Variants in CD59 observed in about 807,000 individuals in gnomAD.
CD59 encodes CD59 molecule (CD59 blood group), also known as CD59 glycoprotein.
Under a neutral mutation model 7.0 loss-of-function variants are expected in CD59, and 3 were observed. That is an observed-to-expected ratio of 0.43 (90% confidence interval 0.19 to 1.10). The LOEUF is 1.10. Ranked by LOEUF, CD59 falls within the 50% of genes least tolerant of loss-of-function variation. The pLI is 0.29. For missense variants in CD59, 143 were observed against 151.0 expected, an observed-to-expected ratio of 0.95 and a Z score of 0.28; for synonymous variants, 60 against 62.0, an observed-to-expected ratio of 0.97 and a Z score of 0.15.
At chr11:33,714,609 T>C (rs1853707232) in intron 3 of CD59, among the ~76,000 whole-genome samples, 1 of 152,250 alleles carries the variant, frequency 6.6e-6, no homozygotes, top group Admixed American at 6.5e-5. Context: ...TAATTGTAAA[T>C]GTTTTTACCT....
At chr11:33,716,962 T>C (rs566649571) in intron 3 of CD59, among the ~76,000 whole-genome samples, 1 of 152,254 alleles carries the variant, frequency 6.6e-6, no homozygotes, top group African/African-American at 2.4e-5. Context: ...TTTAATTGTA[T>C]GTGTCCTTTC....
intron 1 of CD59, among the ~76,000 whole-genome samples, chr11:33,733,192 GCA>G (rs1275665592): frequency 3.9e-5 from 6 of 152,224 alleles, no homozygotes; most frequent in Admixed American, 1.3e-4. Flanking sequence ...CTCCAGAGCA[GCA>G]CAGAGCCCTG....
Position 33,706,619 on chromosome 11 carries a change from G to A in CD59, c.*3507C>T, listed in dbSNP as rs967594477. 2 of 151,654 alleles carry A rather than the reference G, an allele frequency of 1.3e-5. No homozygotes were observed. The highest frequency in any genetic ancestry group is 2.4e-5 in the African/African-American group (1 of 41,266). 9.4% of individuals were successfully genotyped at this position (151,654 alleles called of 1,614,324 possible). On this transcript the variant is annotated 3_prime_UTR_variant, in exon 4 of 4. Coordinates refer to ENST00000642928, the MANE Select transcript of CD59 (RefSeq NM_000611.6). ...TTAGTGGAAGAGGGTTTGAACCCAGGTTCCTAACTACAAAATCCACGGGTT... is the reference window on the plus strand; with the variant it reads ...TTAGTGGAAGAGGGTTTGAACCCAGATTCCTAACTACAAAATCCACGGGTT...
intron 1 of CD59, among the ~76,000 whole-genome samples, chr11:33,725,794 C>A (rs1049403334): frequency 1.3e-5 from 2 of 151,922 alleles, no homozygotes; most frequent in African/African-American, 2.4e-5. Context: ...AACCGCATAG[C>A]CAGGAAAAGT....
chr11:33,717,820 CA>C, intron 2 of CD59: 1 of 333,146 alleles, frequency 3.0e-6, no homozygotes, highest in South Asian at 2.6e-5. Context: ...GTCTTCCAAG[CA>C]ATGAATATGC....
At chr11:33,717,876 A>G (rs1373370331) in intron 2 of CD59, 1 of 259,670 alleles carries the variant, frequency 3.9e-6, no homozygotes, top group Non-Finnish European at 7.6e-6. Context: ...ATGTCTGGCA[A>G]TACCTATCTG....
intron 1 of CD59, among the ~76,000 whole-genome samples, chr11:33,735,039 G>A (rs890383463): frequency 1.3e-5 from 2 of 152,216 alleles, no homozygotes; most frequent in African/African-American, 4.8e-5. Context: ...GAGGCCACAA[G>A]TTTTAGGACT....
chr11:33,712,787 T>C (rs112946272), intron 3 of CD59, among the ~76,000 whole-genome samples: 27 of 152,356 alleles, frequency 1.8e-4, no homozygotes, highest in African/African-American at 5.5e-4. Flanking sequence ...CTGTGAATTA[T>C]ATCTCAATAA....
chr11:33,709,850 C>G lies in CD59; in HGVS notation c.*276G>C, dbSNP rs1853461138. 5 of 554,028 alleles carry G rather than the reference C, an allele frequency of 9.0e-6. No homozygotes were observed. Among genetic ancestry groups the G allele is most frequent in the Admixed American group, 6.2e-5 (2 of 32,458 alleles). 34.3% of individuals were successfully genotyped at this position (554,028 alleles called of 1,614,324 possible). On this transcript the variant is annotated 3_prime_UTR_variant, in exon 4 of 4. Transcript: ENST00000642928. ...ACCCACTCAAGCTGTCACTGCAAAGCTGGTCTTCCCAAGAGCAAAGGAGGA... is the reference window on the plus strand; with the variant it reads ...ACCCACTCAAGCTGTCACTGCAAAGGTGGTCTTCCCAAGAGCAAAGGAGGA...
At chr11:33,733,145 A>G (rs761332519) in intron 1 of CD59, among the ~76,000 whole-genome samples, 8 of 152,164 alleles carry the variant, frequency 5.3e-5, no homozygotes, top group Non-Finnish European at 1.0e-4. Flanking sequence ...TCTACCAGGA[A>G]CCTGAATGAG....
intron 2 of CD59, chr11:33,718,481 T>TA (rs59130418): frequency 1.9e-3 from 282 of 146,088 alleles, no homozygotes; most frequent in African/African-American, 3.9e-3. Context: ...AAACTCTGTT[T>TA]AAAAAAAAAA....
intron 1 of CD59, among the ~76,000 whole-genome samples, chr11:33,728,114 C>G (rs1854310290): frequency 6.6e-6 from 1 of 152,110 alleles, no homozygotes; most frequent in Non-Finnish European, 1.5e-5. Flanking sequence ...TTTATAGATT[C>G]AATGCTATTC....
chr11:33,713,687 T>C (rs1339136473), intron 3 of CD59, among the ~76,000 whole-genome samples: 1 of 152,244 alleles, frequency 6.6e-6, no homozygotes, highest in Non-Finnish European at 1.5e-5. Context: ...TAGGGAAGCC[T>C]AGAAGCTTGG....
At chr11:33,730,405 C>A (rs1339226185) in intron 1 of CD59, among the ~76,000 whole-genome samples, 2 of 152,034 alleles carry the variant, frequency 1.3e-5, no homozygotes, top group East Asian at 3.8e-4. Context: ...CAGAGTAAGA[C>A]CCTGTCTCAA....
intron 3 of CD59, among the ~76,000 whole-genome samples, chr11:33,714,510 G>A (rs915398985): frequency 6.6e-6 from 1 of 152,174 alleles, no homozygotes; most frequent in Non-Finnish European, 1.5e-5. Context: ...CACTACTGTA[G>A]ATGTTTTAAA....
Position 33,717,421 on chromosome 11 carries a change from T to C in CD59, c.118A>G (p.Thr40Ala). The change falls in exon 3 of 4, where the codon ACA becomes GCA. Residue 40 changes from threonine to alanine, a missense_variant. Coordinates refer to ENST00000642928, the MANE Select transcript of CD59 (RefSeq NM_000611.6). ...AAATCAGATGAACAATTGACGGCTG[T>C]TTTGCAGTCAGCAGTTGGGTTAGGA... Reference protein sequence around the residue: ...NCPNPTADCKTAVNCSSDFDA... With the variant: ...NCPNPTADCKAAVNCSSDFDA... The C allele has an allele frequency of 6.2e-7, 1 of 1,613,726 alleles. No individual in the cohort carries two copies.
intron 1 of CD59, among the ~76,000 whole-genome samples, chr11:33,734,687 G>A (rs1257190888): frequency 6.6e-6 from 1 of 152,222 alleles, no homozygotes; most frequent in Non-Finnish European, 1.5e-5. Flanking sequence ...CCCGTGTTAA[G>A]TACACATGCA....
intron 3 of CD59, among the ~76,000 whole-genome samples, chr11:33,713,107 C>G (rs761029491): frequency 2.3e-4 from 35 of 152,068 alleles, no homozygotes; most frequent in Non-Finnish European, 4.4e-4. Flanking sequence ...CTTGGGCACA[C>G]AGGAAAATAA....
chr11:33,722,349 A>C (rs200345109), intron 2 of CD59, 30 bp downstream of exon 2: 4 of 1,517,518 alleles, frequency 2.6e-6, no homozygotes, highest in Non-Finnish European at 3.7e-6. Flanking sequence ...AAGGCAGCCT[A>C]GATCCATGTC....
Sources: allele counts gnomAD v4.1 joint callset (sites outside exome capture counted in the v4.1 genomes callset), GRCh38; gene constraint gnomAD v4.1.1; transcripts MANE v1.5; gene names NCBI Gene and HGNC (gene_info 2026-07-23, HGNC 2026-07-21).